KSR2: variants seen among roughly 807,000 people sequenced by gnomAD.
The protein encoded by KSR2 is kinase suppressor of ras 2.
KSR2 carries 25 observed loss-of-function variants against 107.8 expected under a neutral mutation model. The ratio of observed to expected loss-of-function variants is 0.23; its 90% CI spans 0.17 to 0.32. The LOEUF is 0.32. Ranked by LOEUF, KSR2 falls within the 10% of genes least tolerant of loss-of-function variation. KSR2 has a pLI of 1.00. For synonymous variants in KSR2, 480 were observed against 507.0 expected (o/e 0.95, Z 0.71); for missense variants, 887 against 1,268.9 (o/e 0.70, Z 4.57).
chr12:117,720,834 G>C lies in KSR2; in HGVS notation c.986+40177C>G, dbSNP rs77182699. ...ATCTGAGATCTCAGGGAAAAAATAG[G>C]AATTAATTACAAGGAGGAAAGGAAC... On this transcript the variant is annotated intron_variant, in intron 4 of 19. Transcript: ENST00000339824. Among the ~76,000 whole-genome samples the C allele has an allele frequency of 2.1e-4, 32 of 152,250 alleles. No homozygotes were observed. The East Asian group carries it at 5.6e-3, about 27-fold the overall frequency.
At chr12:117,716,389 G>A (rs1314585494) in intron 4 of KSR2, among the ~76,000 whole-genome samples, 1 of 152,174 alleles carries the variant, frequency 6.6e-6, no homozygotes, top group East Asian at 1.9e-4. Context: ...TGGCTAGAGG[G>A]CACCTAAAAC....
chr12:117,938,657 G>C (rs1057357379), intron 1 of KSR2, among the ~76,000 whole-genome samples: 1 of 152,012 alleles, frequency 6.6e-6, no homozygotes, highest in African/African-American at 2.4e-5. Context: ...GGCTGAGGCA[G>C]GAAGATCACT....
At chr12:117,892,037 G>A (rs972000483) in intron 1 of KSR2, among the ~76,000 whole-genome samples, 9 of 140,816 alleles carry the variant, frequency 6.4e-5, no homozygotes, top group Non-Finnish European at 1.1e-4. Context: ...GGTGGCTGAC[G>A]CCTGTAATCT....
chr12:117,610,234 C>A lies in KSR2; in HGVS notation c.1172-27875G>T, dbSNP rs183988563. Among the ~76,000 whole-genome samples the A allele has an allele frequency of 8.0e-4, 121 of 152,200 alleles. 1 individual carries two copies. The highest frequency in any genetic ancestry group is 7.2e-4 in the Admixed American group (11 of 15,282). Reference sequence around the variant, plus strand: ...AATTCAATAGCCTTGGAAATAAGCACACTTTATGACACAGAAATTACTCTT... The same window carrying A: ...AATTCAATAGCCTTGGAAATAAGCAAACTTTATGACACAGAAATTACTCTT... On this transcript the variant is annotated intron_variant, in intron 5 of 19. Coordinates refer to ENST00000339824, the MANE Select transcript of KSR2 (RefSeq NM_173598.6).
At chr12:117,795,135 G>A (rs913104162) in intron 3 of KSR2, among the ~76,000 whole-genome samples, 5 of 152,128 alleles carry the variant, frequency 3.3e-5, no homozygotes, top group Non-Finnish European at 5.9e-5. Flanking sequence ...AAAGGACACC[G>A]ACTCATCATT....
chr12:117,735,331 C>G (rs1226045720), intron 4 of KSR2, among the ~76,000 whole-genome samples: 2 of 152,188 alleles, frequency 1.3e-5, no homozygotes, highest in Admixed American at 1.3e-4. Context: ...TTTAATTTGG[C>G]AACCAAGTGA....
intron 1 of KSR2, among the ~76,000 whole-genome samples, chr12:117,886,347 C>G (rs558582247): frequency 6.6e-6 from 1 of 151,568 alleles, no homozygotes; most frequent in South Asian, 2.1e-4. Flanking sequence ...CATAGACATA[C>G]AGTCATGCAC....
At chr12:117,918,006 C>T (rs1412965657) in intron 1 of KSR2, among the ~76,000 whole-genome samples, 1 of 152,234 alleles carries the variant, frequency 6.6e-6, no homozygotes, top group Non-Finnish European at 1.5e-5. Flanking sequence ...TAGTGGCTGT[C>T]TCCACTTCTC....
In KSR2 at chr12:117,585,606, G is replaced by T. The variant is rs529873891; in HGVS notation, c.1172-3247C>A. On this transcript the variant is annotated intron_variant, in intron 5 of 19. Coordinates refer to ENST00000339824, the MANE Select transcript of KSR2 (RefSeq NM_173598.6). Reference sequence around the variant, plus strand: ...TTTGGATTTTATTAAACTTGCCAATGCAAGCCTTAAAGCAATGGAAAACTG... The same window carrying T: ...TTTGGATTTTATTAAACTTGCCAATTCAAGCCTTAAAGCAATGGAAAACTG... Among the ~76,000 whole-genome samples the T allele has an allele frequency of 3.3e-5, 5 of 152,174 alleles. No individual in the cohort carries two copies. The South Asian group carries it at 6.2e-4, about 19-fold the overall frequency.
At chr12:117,875,295 G>A (rs2137299711) in intron 1 of KSR2, among the ~76,000 whole-genome samples, 1 of 151,482 alleles carries the variant, frequency 6.6e-6, no homozygotes. Context: ...CTGGCCGTTG[G>A]GTTTGACAGA....
chr12:117,569,723 G>A (rs916968752), intron 7 of KSR2, among the ~76,000 whole-genome samples: 1 of 152,156 alleles, frequency 6.6e-6, no homozygotes, highest in Non-Finnish European at 1.5e-5. Context: ...GGCAAACTGG[G>A]ATGGTTGATC....
chr12:117,774,929 C>G (rs1006330422), intron 3 of KSR2, among the ~76,000 whole-genome samples: 1 of 152,194 alleles, frequency 6.6e-6, no homozygotes, highest in Non-Finnish European at 1.5e-5. Flanking sequence ...TGTGGTCTTT[C>G]GTGTCTGGCT....
At chr12:117,701,059 C>T (rs779554196) in intron 4 of KSR2, among the ~76,000 whole-genome samples, 36 of 152,176 alleles carry the variant, frequency 2.4e-4, no homozygotes, top group Non-Finnish European at 3.2e-4. Flanking sequence ...CCTCCATCTG[C>T]ACAATAGGAG....
At chr12:117,962,702 C>T (rs989292097) in intron 1 of KSR2, among the ~76,000 whole-genome samples, 1 of 148,146 alleles carries the variant, frequency 6.8e-6, no homozygotes, top group African/African-American at 2.5e-5. Context: ...ACCTCAGCCT[C>T]CCAAAGTGCT....
intron 3 of KSR2, among the ~76,000 whole-genome samples, chr12:117,798,735 A>ATATATC (rs10667993): frequency 0.35 from 49,969 of 141,562 alleles, 9,380 homozygotes; most frequent in East Asian, 0.55. Flanking sequence ...ATATATATAT[A>ATATATC]TCAACCCAAA....
At chr12:117,912,040 G>A (rs990701498) in intron 1 of KSR2, among the ~76,000 whole-genome samples, 9 of 152,120 alleles carry the variant, frequency 5.9e-5, no homozygotes, top group Admixed American at 3.3e-4. Flanking sequence ...ACATATCACC[G>A]ACTTGCATCA....
chr12:117,682,274 C>CG (rs1443072787), intron 4 of KSR2, among the ~76,000 whole-genome samples: 1 of 151,188 alleles, frequency 6.6e-6, no homozygotes, highest in East Asian at 1.9e-4. Context: ...ATTGCGGGGG[C>CG]GGGGGGAGAG....
chr12:117,925,613 G>T (rs962073788), intron 1 of KSR2, among the ~76,000 whole-genome samples: 2 of 152,058 alleles, frequency 1.3e-5, no homozygotes, highest in Non-Finnish European at 2.9e-5. Flanking sequence ...AGCAGCAATG[G>T]CTATTAATAT....
intron 9 of KSR2, among the ~76,000 whole-genome samples, chr12:117,552,368 G>A (rs1336667885): frequency 1.3e-5 from 2 of 152,184 alleles, no homozygotes; most frequent in Non-Finnish European, 1.5e-5. Context: ...CCCACTAAGA[G>A]TTGAGGTCCG....
Sources: allele counts gnomAD v4.1 joint callset (sites outside exome capture counted in the v4.1 genomes callset), GRCh38; gene constraint gnomAD v4.1.1; transcripts MANE v1.5; gene names NCBI Gene and HGNC (gene_info 2026-07-23, HGNC 2026-07-21).